LVRN: variants seen among roughly 807,000 people sequenced by gnomAD.
LVRN encodes laeverin, also known as aminopeptidase Q.
Under a neutral mutation model 111.4 loss-of-function variants are expected in LVRN, and 99 were observed. The ratio of observed to expected loss-of-function variants is 0.89; its 90% confidence interval spans 0.76 to 1.05. The LOEUF is 1.05. Among genes scored for constraint, LVRN ranks in the 50% least tolerant of loss-of-function variants. The pLI, the probability that LVRN is intolerant of heterozygous loss-of-function variation, is 0.00. For synonymous variants in LVRN, 488 were observed against 449.5 expected (o/e 1.09, Z -1.08); for missense variants, 1,414 against 1,206.8 (o/e 1.17, Z -2.54).
intron 1 of LVRN, among the ~76,000 whole-genome samples, chr5:115,972,953 G>A (rs1417349114): frequency 2.0e-5 from 3 of 150,918 alleles, no homozygotes; most frequent in Admixed American, 6.6e-5. Flanking sequence ...TTCCAGACAG[G>A]GTCTCACTTC....
At chr5:115,970,058 C>A (rs1248231362) in intron 1 of LVRN, among the ~76,000 whole-genome samples, 2 of 151,950 alleles carry the variant, frequency 1.3e-5, no homozygotes, top group Non-Finnish European at 1.5e-5. Flanking sequence ...TTTAAAACAG[C>A]TTTATTAAAG....
chr5:115,993,699 T>A (rs1043640822), intron 5 of LVRN, 42 bp from the exon 6 acceptor site: 2 of 1,307,840 alleles, frequency 1.5e-6, no homozygotes, highest in Non-Finnish European at 2.2e-6. Context: ...AACTTAAAAA[T>A]TAAATTTAAG....
intron 1 of LVRN, chr5:115,976,163 C>A (rs1453512932): frequency 6.6e-6 from 1 of 152,260 alleles, no homozygotes; most frequent in Non-Finnish European, 1.5e-5. Flanking sequence ...CTTCTGCCAC[C>A]CCTATATCCT....
At chr5:115,997,227 G>A (rs1748133530) in intron 6 of LVRN, among the ~76,000 whole-genome samples, 1 of 152,052 alleles carries the variant, frequency 6.6e-6, no homozygotes, top group African/African-American at 2.4e-5. Context: ...TAAAGTTGGT[G>A]GTCTTTGATG....
chr5:116,025,003 C>G (rs768653428), intron 19 of LVRN, among the ~76,000 whole-genome samples: 1 of 152,122 alleles, frequency 6.6e-6, no homozygotes, highest in African/African-American at 2.4e-5. Context: ...TATTCCCCCT[C>G]CTAGACATAC....
Position 116,027,379 on chromosome 5 carries a change from G to C in LVRN, c.*1261G>C, listed in dbSNP as rs980809430. 1 of 152,106 alleles carries C rather than the reference G, an allele frequency of 6.6e-6. No homozygotes were observed. The highest frequency in any genetic ancestry group is 1.5e-5 in the Non-Finnish European group (1 of 68,024). 9.4% of individuals were successfully genotyped at this position (152,106 alleles called of 1,614,324 possible). A position where few individuals can be genotyped will look rare whatever the true frequency, so the allele number is the denominator to read the frequency against. ...GATTAAGACTTTTTGCCTATTTCTT[G>C]TATAAGTTAAGGCAGCCATAAATGA... is the stretch of plus-strand genomic sequence containing the variant. On this transcript the variant is annotated 3_prime_UTR_variant, in exon 20 of 20. Coordinates refer to ENST00000357872, the MANE Select transcript of LVRN (RefSeq NM_173800.5).
intron 1 of LVRN, among the ~76,000 whole-genome samples, chr5:115,970,389 T>C (rs1304784426): frequency 6.6e-6 from 1 of 150,978 alleles, no homozygotes; most frequent in Non-Finnish European, 1.5e-5. Flanking sequence ...ACATTCTTTT[T>C]TTTTTTTTTT....
At chr5:115,985,097 A>G (rs1167780867) in intron 3 of LVRN, among the ~76,000 whole-genome samples, 1 of 152,126 alleles carries the variant, frequency 6.6e-6, no homozygotes, top group East Asian at 1.9e-4. Flanking sequence ...CTTGGGTGAT[A>G]CTCAAAACAG....
chr5:115,983,517 A>G (rs908947442), intron 2 of LVRN, 88 bp downstream of exon 2: 203 of 1,374,190 alleles, frequency 1.5e-4, no homozygotes, highest in Non-Finnish European at 1.9e-4. Context: ...TAGGCAGTGT[A>G]TTATGGTGTA....
intron 1 of LVRN, among the ~76,000 whole-genome samples, chr5:115,969,024 A>C (rs766264987): frequency 6.6e-6 from 1 of 152,194 alleles, no homozygotes; most frequent in South Asian, 2.1e-4. Context: ...CTTGACTGTT[A>C]TGAAGGAATG....
chr5:116,013,031 G>A (rs1486512983), intron 15 of LVRN, among the ~76,000 whole-genome samples: 1 of 152,180 alleles, frequency 6.6e-6, no homozygotes, highest in Non-Finnish European at 1.5e-5. Flanking sequence ...AGGCAAAATG[G>A]GGTGGTAGTA....
chr5:115,972,342 A>G (rs953353547), intron 1 of LVRN, among the ~76,000 whole-genome samples: 2 of 151,476 alleles, frequency 1.3e-5, no homozygotes, highest in Admixed American at 6.6e-5. Context: ...ATTCCTAGGT[A>G]TTTTATATTT....
chr5:116,012,629 T>G (rs1260252898), intron 15 of LVRN, among the ~76,000 whole-genome samples, 161 bp downstream of exon 15: 1 of 152,230 alleles, frequency 6.6e-6, no homozygotes, highest in Non-Finnish European at 1.5e-5. Flanking sequence ...GCTACATGTA[T>G]TCTAACAGAA....
intron 6 of LVRN, among the ~76,000 whole-genome samples, chr5:115,996,743 C>T (rs1748121879): frequency 6.6e-6 from 1 of 152,168 alleles, no homozygotes; most frequent in Non-Finnish European, 1.5e-5. Flanking sequence ...CTTTCCTCCA[C>T]CTTCCTGCTG....
intron 1 of LVRN, among the ~76,000 whole-genome samples, chr5:115,966,235 T>C (rs896585894): frequency 2.0e-5 from 3 of 152,200 alleles, no homozygotes; most frequent in African/African-American, 7.2e-5. Context: ...CTCCTAATCA[T>C]CTCTAACCCC....
intron 12 of LVRN, 187 bp from the exon 13 acceptor site, chr5:116,005,725 C>T (rs1008907387): frequency 1.2e-5 from 8 of 663,482 alleles, no homozygotes; most frequent in Admixed American, 8.3e-5. Context: ...TCATTTATTT[C>T]AAAAACATAT....
chr5:115,978,199 C>T (rs146562287), intron 1 of LVRN, among the ~76,000 whole-genome samples: 33 of 152,242 alleles, frequency 2.2e-4, no homozygotes, highest in African/African-American at 7.2e-4. Context: ...AGTCTCAAAA[C>T]GAGGTCAGAG....
At chr5:115,971,301 A>G (rs562264793) in intron 1 of LVRN, among the ~76,000 whole-genome samples, 8 of 152,242 alleles carry the variant, frequency 5.3e-5, no homozygotes, top group African/African-American at 1.9e-4. Flanking sequence ...TTCTTTTAAT[A>G]GTGTCTTTCA....
chr5:116,001,980 A>G (rs147150009), intron 10 of LVRN, among the ~76,000 whole-genome samples: 41 of 152,146 alleles, frequency 2.7e-4, no homozygotes, highest in African/African-American at 9.2e-4. Flanking sequence ...ACTGTTTTTG[A>G]TAGTTTTAAT....
Sources: gnomAD v4.1 joint callset for allele counts (sites outside exome capture counted in the v4.1 genomes callset) on GRCh38, gnomAD v4.1.1 for gene constraint, MANE v1.5 for transcripts, NCBI Gene and HGNC (gene_info 2026-07-23, HGNC 2026-07-21) for gene names.